Variants in DIAPH2 observed in about 807,000 individuals in gnomAD.
The protein encoded by DIAPH2 is diaphanous related formin 2.
In DIAPH2, 35 loss-of-function variants were observed where a neutral mutation model predicts 92.7. The observed-to-expected ratio is 0.38, with a 90% CI of 0.29 to 0.50. The LOEUF (loss-of-function observed/expected upper bound fraction) is 0.50, where lower values mean the gene tolerates loss of function less well. Ranked by LOEUF, DIAPH2 falls within the 20% of genes least tolerant of loss-of-function variation. The probability of loss-of-function intolerance (pLI) is 0.94; values close to 1 mark genes in which losing one functional copy is unlikely to be tolerated. For missense variants in DIAPH2, 701 were observed against 819.5 expected, an observed-to-expected ratio of 0.86 and a Z score of 1.77; for synonymous variants, 301 against 280.4, an observed-to-expected ratio of 1.07 and a Z score of -0.73.
At chrX:97,132,177 T>C (rs1002521358) in intron 21 of DIAPH2, among the ~76,000 whole-genome samples, 1 of 111,868 alleles carries the variant, frequency 8.9e-6, no homozygotes, top group African/African-American at 3.2e-5. Context: ...AAACTTTTAA[T>C]TTGCTTGACT....
intron 22 of DIAPH2, among the ~76,000 whole-genome samples, chrX:97,149,723 T>A: frequency 1.2e-4 from 1 of 8,488 alleles, no homozygotes; most frequent in African/African-American, 4.0e-4. Context: ...AAAGCAAGAC[T>A]CCATCTCAAA....
At chrX:97,049,318 A>G (rs1805672148) in intron 17 of DIAPH2, among the ~76,000 whole-genome samples, 1 of 110,721 alleles carries the variant, frequency 9.0e-6, no homozygotes, top group Non-Finnish European at 1.9e-5. Context: ...ATATATTCAT[A>G]CTCTAGTTGA....
At chrX:97,594,563 A>G (rs760923688) in intron 26 of DIAPH2, among the ~76,000 whole-genome samples, 131 of 112,721 alleles carry the variant, frequency 1.2e-3, no homozygotes, top group African/African-American at 4.1e-3. Context: ...CCTTAGCCTA[A>G]GCTGCAATAG....
At chrX:96,843,815 C>G (rs777076835) in intron 4 of DIAPH2, among the ~76,000 whole-genome samples, 1 of 111,349 alleles carries the variant, frequency 9.0e-6, no homozygotes, top group Non-Finnish European at 1.9e-5. Context: ...GGACCCTCCC[C>G]GTTATCTGCC....
At chrX:96,788,968 G>A (rs1458718527) in intron 4 of DIAPH2, among the ~76,000 whole-genome samples, 1 of 112,519 alleles carries the variant, frequency 8.9e-6, no homozygotes, top group Non-Finnish European at 1.9e-5. Flanking sequence ...TAGTAGGCGT[G>A]TGTGTTGAAG....
At chrX:97,264,478 T>C (rs1190756752) in intron 23 of DIAPH2, among the ~76,000 whole-genome samples, 1 of 112,030 alleles carries the variant, frequency 8.9e-6, no homozygotes, top group Non-Finnish European at 1.9e-5. Flanking sequence ...GGGCACTATA[T>C]TGAAGCAAAT....
chrX:97,207,415 CGATGAT>C (rs958100716), intron 22 of DIAPH2, among the ~76,000 whole-genome samples: 2 of 111,259 alleles, frequency 1.8e-5, no homozygotes, highest in Admixed American at 9.5e-5. Context: ...GCAAGAATGG[CGATGAT>C]GATGATGATG....
At chrX:97,052,718 A>G (rs1403585895) in intron 17 of DIAPH2, among the ~76,000 whole-genome samples, 6 of 111,081 alleles carry the variant, frequency 5.4e-5, no homozygotes, top group Non-Finnish European at 1.1e-4. Flanking sequence ...TTGTTGTGCA[A>G]TAGGGTATAG....
At chrX:96,960,092 C>G in intron 16 of DIAPH2, among the ~76,000 whole-genome samples, 1 of 111,205 alleles carries the variant, frequency 9.0e-6, no homozygotes, top group East Asian at 2.8e-4. Context: ...TATTCAGGCT[C>G]TTGTGTGGTT....
At chrX:97,342,441 A>G (rs1405261099) in intron 23 of DIAPH2, among the ~76,000 whole-genome samples, 6 of 112,471 alleles carry the variant, frequency 5.3e-5, no homozygotes, top group African/African-American at 1.6e-4. Context: ...TAGCTGTGTG[A>G]CCTTATGCAA....
intron 26 of DIAPH2, among the ~76,000 whole-genome samples, chrX:97,478,681 A>G (rs943724571): frequency 8.9e-6 from 1 of 112,278 alleles, no homozygotes; most frequent in Non-Finnish European, 1.9e-5. Context: ...GAGTAAGCCT[A>G]TCCCCATATT....
intron 5 of DIAPH2, among the ~76,000 whole-genome samples, chrX:96,899,694 CT>C (rs1414676182): frequency 9.0e-6 from 1 of 110,923 alleles, no homozygotes; most frequent in Admixed American, 9.6e-5. Flanking sequence ...TTGATTTCCT[CT>C]TTTCCTAATT....
chrX:97,122,680 T>G (rs914232804), intron 21 of DIAPH2, among the ~76,000 whole-genome samples: 10 of 112,065 alleles, frequency 8.9e-5, no homozygotes, highest in Non-Finnish European at 1.7e-4. Context: ...AATGACTTTG[T>G]GGGTTATAAT....
chrX:96,768,879 C>T (rs888384292), intron 4 of DIAPH2, among the ~76,000 whole-genome samples: 3 of 111,269 alleles, frequency 2.7e-5, no homozygotes, highest in Admixed American at 9.6e-5. Flanking sequence ...AAGTTCAGGT[C>T]ATTTTAGGAG....
intron 5 of DIAPH2, among the ~76,000 whole-genome samples, chrX:96,910,131 C>G (rs2065460456): frequency 9.0e-6 from 1 of 110,572 alleles, no homozygotes. Flanking sequence ...GCTGATTTTT[C>G]TCTGTGATAA....
At chrX:96,685,807 A>AG (rs1296763636) in intron 1 of DIAPH2, among the ~76,000 whole-genome samples, 1 of 111,844 alleles carries the variant, frequency 8.9e-6, no homozygotes, top group African/African-American at 3.3e-5. Context: ...AGGCTGGGTG[A>AG]GGTACCACCA....
At chrX:96,826,479 A>G (rs192112602) in intron 4 of DIAPH2, among the ~76,000 whole-genome samples, 1 of 111,435 alleles carries the variant, frequency 9.0e-6, no homozygotes, top group Admixed American at 9.5e-5. Flanking sequence ...AATTATATAA[A>G]GCAAATAATA....
Position 96,685,166 on chromosome X carries a change from G to T in DIAPH2, c.108G>T (p.Glu36Asp). The T allele has an allele frequency of 3.0e-6, 3 of 1,010,475 alleles. No homozygotes were observed. The highest frequency in any genetic ancestry group is 8.3e-5 in the Admixed American group (2 of 24,062). The allele number at this position is 1,010,475 out of a possible 1,213,427, so 83.3% of individuals were successfully genotyped here. ...CGGGGAACCGGGCCGCCAATGAAGA[G>T]GAAACGAAAAACAAACCCAAATTGG... The part of the protein sequence containing the change: ...RSAGNRAANE[E>D]ETKNKPKLNI... Residue 36 changes from glutamate (E) to aspartate (D), a missense_variant, in exon 1 of 27, where the codon GAG (glutamate) becomes GAT (aspartate). Glu to Asp is a conservative substitution (Grantham distance 45). Coordinates refer to ENST00000324765, the MANE Select transcript of DIAPH2 (RefSeq NM_006729.5).
At chrX:97,286,156 T>A (rs1339322196) in intron 23 of DIAPH2, among the ~76,000 whole-genome samples, 2 of 105,870 alleles carry the variant, frequency 1.9e-5, no homozygotes, top group African/African-American at 6.9e-5. Flanking sequence ...TTCTCCCGCC[T>A]CAGCCTCCCA....
Sources: allele counts gnomAD v4.1 joint callset (sites outside exome capture counted in the v4.1 genomes callset), GRCh38; gene constraint gnomAD v4.1.1; transcripts MANE v1.5; gene names NCBI Gene and HGNC (gene_info 2026-07-23, HGNC 2026-07-21).